Variants in EIF2A observed in about 807,000 individuals in gnomAD.
EIF2A encodes the protein eukaryotic translation initiation factor 2A.
EIF2A carries 62 observed loss-of-function variants against 75.2 expected under a neutral mutation model. The ratio of observed to expected loss-of-function variants is 0.82; its 90% CI spans 0.67 to 1.02. The LOEUF (loss-of-function observed/expected upper bound fraction) is 1.02, where lower values mean the gene tolerates loss of function less well. Among genes scored for constraint, EIF2A ranks in the 50% least tolerant of loss-of-function variants. EIF2A has a pLI of 0.00. For missense variants in EIF2A, 611 were observed against 677.7 expected (o/e 0.90, Z 1.09); for synonymous variants, 207 against 239.0 (o/e 0.87, Z 1.23).
rs1343751931 is a variant in EIF2A, at chr3:150,568,431, T to C, written c.811+139T>C. ...ATAACCTTTAAGATAAAATTTTTCT[T>C]AATTAAGAAACTTAAAAATCATCCT... On this transcript the variant is annotated intron_variant, in intron 9 of 13. Transcript: ENST00000460851. 7.5e-6 allele frequency: 5 copies of C among 666,686 alleles called. No individual in the cohort carries two copies. In the Admixed American group the frequency reaches 1.2e-4, roughly 15 times the overall value. The allele number at this position is 666,686 out of a possible 1,614,324, so 41.3% of individuals were successfully genotyped here.
chr3:150,581,625 G>C lies in EIF2A; in HGVS notation c.1505G>C (p.Arg502Thr). Residue 502 changes from arginine (R) to threonine (T), a missense_variant, in exon 12 of 14, where the codon AGA becomes ACA. By Grantham distance (71) the Arg-to-Thr change is moderately conservative. Coordinates refer to ENST00000460851, the MANE Select transcript of EIF2A (RefSeq NM_032025.5). ...AAAAAATATTTCCTGCAGGAAGCAA[G>C]AAGTGACAAGAGTCCAGATTTGGCA... ...EAKKAAKQEA[R>T]SDKSPDLAPT... 3 of 1,550,598 alleles carry C rather than the reference G, an allele frequency of 1.9e-6. No individual in the cohort carries two copies. The highest frequency in any genetic ancestry group is 2.6e-6 in the Non-Finnish European group (3 of 1,146,594).
Position 150,564,209 on chromosome 3 carries a change from A to G in EIF2A, c.393-90A>G, listed in dbSNP as rs79930442. 8,856 of 962,220 alleles carry G rather than the reference A, an allele frequency of 9.2e-3. 67 individuals are homozygous for G. Among genetic ancestry groups the G allele is most frequent in the Admixed American group, 0.022 (672 of 30,264 alleles). The allele number at this position is 962,220 out of a possible 1,614,324, so 59.6% of individuals were successfully genotyped here. A position where few individuals can be genotyped will look rare whatever the true frequency, so the allele number is the denominator to read the frequency against. On this transcript the variant is annotated intron_variant, in intron 5 of 13. Coordinates refer to ENST00000460851, the MANE Select transcript of EIF2A (RefSeq NM_032025.5). ...TATAAGTGTTTTTCCTTAAATGGTAACCAATATCATAAATTACTTTAACAT... is the reference window on the plus strand; with the variant it reads ...TATAAGTGTTTTTCCTTAAATGGTAGCCAATATCATAAATTACTTTAACAT...
intron 9 of EIF2A, among the ~76,000 whole-genome samples, chr3:150,570,434 C>T (rs555364316): frequency 6.6e-6 from 1 of 151,606 alleles, no homozygotes; most frequent in East Asian, 1.9e-4. Flanking sequence ...GGTGCAGTGG[C>T]TCATGCATAT....
chr3:150,570,033 CA>C (rs1055096462), intron 9 of EIF2A, among the ~76,000 whole-genome samples: 1 of 152,088 alleles, frequency 6.6e-6, no homozygotes, highest in African/African-American at 2.4e-5. Flanking sequence ...CCATTCGAAA[CA>C]AAAGGTTATT....
intron 4 of EIF2A, 41 bp from the exon 5 acceptor site, chr3:150,563,474 T>C: frequency 6.9e-7 from 1 of 1,443,758 alleles, no homozygotes; most frequent in Non-Finnish European, 9.4e-7. Context: ...CCTTTACAAA[T>C]GTTACAAGGC....
intron 3 of EIF2A, among the ~76,000 whole-genome samples, chr3:150,562,190 A>G (rs1033952127): frequency 2.0e-5 from 3 of 152,150 alleles, no homozygotes; most frequent in African/African-American, 7.2e-5. Flanking sequence ...TGGGAGGCCA[A>G]GGCGGGCGGA....
At chr3:150,550,689 A>G (rs1723274232) in intron 1 of EIF2A, among the ~76,000 whole-genome samples, 1 of 152,152 alleles carries the variant, frequency 6.6e-6, no homozygotes, top group Non-Finnish European at 1.5e-5. Context: ...TCGTCTCTAC[A>G]AGAAATATAA....
chr3:150,556,971 C>G (rs1241018528), intron 2 of EIF2A, among the ~76,000 whole-genome samples: 1 of 151,906 alleles, frequency 6.6e-6, no homozygotes, highest in Non-Finnish European at 1.5e-5. Flanking sequence ...ATAATTTTGG[C>G]AAAATATCTG....
At chr3:150,553,322 C>CAAA (rs201065260) in intron 2 of EIF2A, among the ~76,000 whole-genome samples, 7 of 84,640 alleles carry the variant, frequency 8.3e-5, no homozygotes, top group African/African-American at 2.5e-4. Context: ...GACTCCGTCT[C>CAAA]AAAAAAAAAA....
intron 11 of EIF2A, among the ~76,000 whole-genome samples, chr3:150,576,705 G>A: frequency 6.6e-6 from 1 of 152,162 alleles, no homozygotes; most frequent in Non-Finnish European, 1.5e-5. Flanking sequence ...TATTTACTAA[G>A]AGAAGCTGGA....
chr3:150,582,080 A>G (rs189717067), intron 12 of EIF2A, among the ~76,000 whole-genome samples: 51 of 152,004 alleles, frequency 3.4e-4, no homozygotes, highest in Admixed American at 1.1e-3. Flanking sequence ...GGCTCACTGC[A>G]ACCTCCGCCT....
At position 150,583,212 on chromosome 3, in the gene EIF2A, A is replaced by G. The variant is rs1725290545; in HGVS notation, c.1639A>G (p.Ile547Val). The G allele has an allele frequency of 2.5e-6, 4 of 1,612,936 alleles. No individual in the cohort carries two copies. The highest frequency in any genetic ancestry group is 3.4e-6 in the Non-Finnish European group (4 of 1,179,582). Reference sequence around the variant, plus strand: ...TTGATGTTTGCAGAAACTGAAAGCAATCGAACAACTGAAAGAACAAGCAGC... The same window carrying G: ...TTGATGTTTGCAGAAACTGAAAGCAGTCGAACAACTGAAAGAACAAGCAGC... Reference protein sequence around the residue: ...IKNLKKKLKAIEQLKEQAATG... With the variant: ...IKNLKKKLKAVEQLKEQAATG... The change falls in exon 13 of 14, where the codon ATC (isoleucine) becomes GTC (valine). Residue 547 changes from isoleucine to valine, a missense_variant. Ile to Val is a conservative substitution (Grantham distance 29). Transcript: ENST00000460851.
At chr3:150,567,133 A>C (rs1178323037) in intron 6 of EIF2A, 1 of 152,106 alleles carries the variant, frequency 6.6e-6, no homozygotes, top group Admixed American at 6.5e-5. Context: ...AAAGTATATT[A>C]GCTCTTGATC....
intron 6 of EIF2A, chr3:150,566,906 A>T (rs1724213572): frequency 6.6e-6 from 1 of 152,232 alleles, no homozygotes; most frequent in Non-Finnish European, 1.5e-5. Context: ...CGTACCAAAG[A>T]TGGCATGTAG....
intron 11 of EIF2A, among the ~76,000 whole-genome samples, chr3:150,578,845 A>G (rs1191771543): frequency 6.6e-6 from 1 of 152,222 alleles, no homozygotes; most frequent in African/African-American, 2.4e-5. Flanking sequence ...ACTCTGAAGT[A>G]AATAGTCAAA....
At chr3:150,563,096 A>G (rs1024556813) in intron 4 of EIF2A, among the ~76,000 whole-genome samples, 12 of 152,186 alleles carry the variant, frequency 7.9e-5, no homozygotes, top group African/African-American at 2.9e-4. Flanking sequence ...ATTTAAAGAG[A>G]TACTTAATGA....
At chr3:150,568,752 C>CA (rs1418039483) in intron 9 of EIF2A, among the ~76,000 whole-genome samples, 2 of 151,896 alleles carry the variant, frequency 1.3e-5, no homozygotes, top group African/African-American at 4.8e-5. Context: ...CCTACCTCTA[C>CA]AAAAAATAGA....
intron 3 of EIF2A, among the ~76,000 whole-genome samples, chr3:150,561,104 C>G (rs147011555): frequency 2.6e-5 from 4 of 152,096 alleles, no homozygotes; most frequent in African/African-American, 9.7e-5. Context: ...ATTTCCCTAG[C>G]TGCTATAGCT....
At chr3:150,568,927 T>C (rs987315393) in intron 9 of EIF2A, among the ~76,000 whole-genome samples, 1 of 152,154 alleles carries the variant, frequency 6.6e-6, no homozygotes, top group Admixed American at 6.5e-5. Context: ...AAAATAATAA[T>C]ATCCAAGAAT....
Sources: gnomAD v4.1 joint callset for allele counts (sites outside exome capture counted in the v4.1 genomes callset) on GRCh38, gnomAD v4.1.1 for gene constraint, MANE v1.5 for transcripts, NCBI Gene and HGNC (gene_info 2026-07-23, HGNC 2026-07-21) for gene names.